Variants in CWH43 observed in about 807,000 individuals in gnomAD.
CWH43 encodes PGAP2-interacting protein.
CWH43 carries 91 observed loss-of-function variants against 85.7 expected under a neutral mutation model. The ratio of observed to expected loss-of-function variants is 1.06; its 90% CI spans 0.90 to 1.26. The LOEUF (loss-of-function observed/expected upper bound fraction) is 1.26, where lower values mean the gene tolerates loss of function less well. Among genes scored for constraint, CWH43 ranks in the 50% most tolerant of loss-of-function variants. CWH43 has a pLI of 0.00. For missense variants in CWH43, 869 were observed against 839.2 expected (o/e 1.04, Z -0.44); for synonymous variants, 323 against 293.6 (o/e 1.10, Z -1.02).
At chr4:49,009,116 A>G (rs143055172) in intron 8 of CWH43, among the ~76,000 whole-genome samples, 2,834 of 152,198 alleles carry the variant, frequency 0.019, 40 homozygotes, top group African/African-American at 0.046. Flanking sequence ...AGCATGGAAT[A>G]TTCTTCCATT....
intron 9 of CWH43, among the ~76,000 whole-genome samples, chr4:49,017,656 A>G (rs1783598781): frequency 6.6e-6 from 1 of 152,136 alleles, no homozygotes; most frequent in Non-Finnish European, 1.5e-5. Flanking sequence ...AGACCGGGTA[A>G]TTTATAAAGA....
At position 48,992,002 on chromosome 4, in the gene CWH43, T is replaced by G; in HGVS notation, c.423T>G (p.Thr141=). The change falls in exon 4 of 16, where the codon ACT becomes ACG. Residue 141 remains threonine, a synonymous_variant. Coordinates refer to ENST00000226432, the MANE Select transcript of CWH43 (RefSeq NM_025087.3). The surrounding 1 kb of genome is among the most constrained non-coding windows in gnomAD (Gnocchi z 4.3). Reference sequence around the variant, plus strand: ...TTGTTGTTCTACGCATATGGTATACTTCACTAAACCCAATCTGGAGTTATC... The same window carrying G: ...TTGTTGTTCTACGCATATGGTATACGTCACTAAACCCAATCTGGAGTTATC... ...IVLVVLRIWY[T]SLNPIWSYQM... is the part of the protein sequence containing the mutation. The G allele has an allele frequency of 2.5e-6, 4 of 1,613,948 alleles. No homozygotes were observed. Among genetic ancestry groups the G allele is most frequent in the Non-Finnish European group, 3.4e-6 (4 of 1,179,840 alleles).
At chr4:49,042,225 G>A (rs1242130332) in intron 13 of CWH43, among the ~76,000 whole-genome samples, 1 of 152,034 alleles carries the variant, frequency 6.6e-6, no homozygotes, top group Non-Finnish European at 1.5e-5. Flanking sequence ...TTGGGCTGTG[G>A]ACCCGGGTTC....
chr4:49,012,881 C>G (rs1378486050), intron 8 of CWH43, among the ~76,000 whole-genome samples: 1 of 152,182 alleles, frequency 6.6e-6, no homozygotes, highest in African/African-American at 2.4e-5. Flanking sequence ...TAGATTGGCA[C>G]CCACCTGTAT....
intron 14 of CWH43, among the ~76,000 whole-genome samples, chr4:49,049,376 G>GC (rs1254548181): frequency 3.3e-5 from 5 of 152,072 alleles, no homozygotes; most frequent in Non-Finnish European, 5.9e-5. Flanking sequence ...TCAGGTCCAA[G>GC]CCCCCATCAT....
At position 49,032,567 on chromosome 4, in the gene CWH43, A is replaced by T; in HGVS notation, c.1510A>T (p.Ile504Phe). 1 of 1,613,938 alleles carries T rather than the reference A, an allele frequency of 6.2e-7. No homozygotes were observed. Among genetic ancestry groups the T allele is most frequent in the Non-Finnish European group, 8.5e-7 (1 of 1,179,888 alleles). Reference protein sequence around the residue: ...GPSTRYHTWGIMALSRYPIVK... With the variant: ...GPSTRYHTWGFMALSRYPIVK... ...ATGTCTCTTTTCATTCCAATACAGGATTATGGCTTTGTCAAGATACCCAAT... is the reference window on the plus strand; with the variant it reads ...ATGTCTCTTTTCATTCCAATACAGGTTTATGGCTTTGTCAAGATACCCAAT... Residue 504 changes from isoleucine to phenylalanine, a missense_variant and splice_region_variant, in exon 12 of 16, where the codon ATT becomes TTT. Coordinates refer to ENST00000226432, the MANE Select transcript of CWH43 (RefSeq NM_025087.3).
intron 13 of CWH43, among the ~76,000 whole-genome samples, chr4:49,039,682 G>A (rs958586375): frequency 6.6e-6 from 1 of 151,178 alleles, no homozygotes; most frequent in Non-Finnish European, 1.5e-5. Flanking sequence ...GGCATGATGA[G>A]AATTTTCTGC....
chr4:49,017,461 T>G, intron 9 of CWH43, 133 bp downstream of exon 9: 1 of 566,052 alleles, frequency 1.8e-6, no homozygotes, highest in South Asian at 3.2e-5. Flanking sequence ...TTAACCCTTA[T>G]GTGCCAGACT....
chr4:49,027,617 A>T (rs1783956304), intron 9 of CWH43, among the ~76,000 whole-genome samples: 1 of 152,194 alleles, frequency 6.6e-6, no homozygotes, highest in Non-Finnish European at 1.5e-5. Flanking sequence ...TGATAAAGGC[A>T]TGCAATGTGA....
At chr4:49,002,864 C>T (rs980856517) in intron 6 of CWH43, among the ~76,000 whole-genome samples, 3 of 152,164 alleles carry the variant, frequency 2.0e-5, no homozygotes, top group African/African-American at 7.2e-5. Flanking sequence ...CCACTTTCTG[C>T]TTCCCACTCC....
At chr4:49,028,292 T>C (rs1183291569) in intron 9 of CWH43, among the ~76,000 whole-genome samples, 1 of 152,206 alleles carries the variant, frequency 6.6e-6, no homozygotes, top group Non-Finnish European at 1.5e-5. Context: ...TGTGTAGTGT[T>C]CCATTCCACA....
chr4:49,023,985 C>G (rs1292042004), intron 9 of CWH43, among the ~76,000 whole-genome samples: 1 of 152,124 alleles, frequency 6.6e-6, no homozygotes, highest in East Asian at 1.9e-4. Flanking sequence ...TATCTCATTT[C>G]TTAGGTCTAA....
intron 9 of CWH43, among the ~76,000 whole-genome samples, chr4:49,023,939 C>A (rs1456117813): frequency 6.6e-6 from 1 of 152,100 alleles, no homozygotes. Flanking sequence ...GCTGTCAGTG[C>A]AGTACTGGAG....
intron 15 of CWH43, among the ~76,000 whole-genome samples, chr4:49,054,644 A>G (rs1385683360): frequency 6.6e-6 from 1 of 152,134 alleles, no homozygotes; most frequent in African/African-American, 2.4e-5. Flanking sequence ...CATGAACACC[A>G]GATGTGTTTC....
intron 13 of CWH43, among the ~76,000 whole-genome samples, chr4:49,041,677 A>C (rs189714370): frequency 1.3e-5 from 2 of 152,272 alleles, no homozygotes; most frequent in African/African-American, 4.8e-5. Context: ...GTGAATCAGC[A>C]CTGGAATGGC....
intron 6 of CWH43, among the ~76,000 whole-genome samples, chr4:48,999,337 A>C (rs1401554723): frequency 6.6e-6 from 1 of 152,134 alleles, no homozygotes; most frequent in African/African-American, 2.4e-5. Flanking sequence ...ATGGGCATTT[A>C]GGTTGATTCC....
chr4:49,049,709 T>G (rs987629247), intron 14 of CWH43, among the ~76,000 whole-genome samples: 1 of 152,202 alleles, frequency 6.6e-6, no homozygotes, highest in African/African-American at 2.4e-5. Flanking sequence ...TCCCCTTCCC[T>G]AAACACCATT....
chr4:49,037,519 G>A (rs1169251328), intron 12 of CWH43, among the ~76,000 whole-genome samples: 3 of 151,286 alleles, frequency 2.0e-5, no homozygotes, highest in Admixed American at 6.6e-5. Context: ...CCAGTGAGCC[G>A]AGATTGTGCC....
At chr4:49,044,875 T>C (rs1199247828) in intron 14 of CWH43, 28 bp downstream of exon 14, 10 of 1,576,812 alleles carry the variant, frequency 6.3e-6, no homozygotes, top group Non-Finnish European at 8.7e-6. Flanking sequence ...ATTTTGTTTT[T>C]AATCTATTAT....
Sources: gnomAD v4.1 joint callset for allele counts (sites outside exome capture counted in the v4.1 genomes callset) on GRCh38, gnomAD v4.1.1 for gene constraint, Gnocchi (gnomAD v3.1) non-coding constraint, MANE v1.5 for transcripts, NCBI Gene and HGNC (gene_info 2026-07-23, HGNC 2026-07-21) for gene names.